Variants in KLF8 observed in about 807,000 individuals in gnomAD.
The protein encoded by KLF8 is KLF transcription factor 8, also known as Krueppel-like factor 8.
A neutral mutation model predicts 18.2 loss-of-function variants in KLF8; 10 were observed. The ratio of observed to expected loss-of-function variants is 0.55; its 90% CI spans 0.34 to 0.93. The LOEUF (loss-of-function observed/expected upper bound fraction) is 0.93. Ranked by LOEUF, KLF8 falls within the 40% of genes least tolerant of loss-of-function variation. The probability of loss-of-function intolerance (pLI) is 0.02; values close to 1 mark genes in which losing one functional copy is unlikely to be tolerated. For missense variants in KLF8, 264 were observed against 277.9 expected (o/e 0.95, Z 0.36); for synonymous variants, 109 against 97.3 (o/e 1.12, Z -0.71).
chrX:56,155,708 G>T, the KLF8 span, among the ~76,000 whole-genome samples: 3 of 111,263 alleles, frequency 2.7e-5, no homozygotes, highest in African/African-American at 6.5e-5. Context: ...TTATAGATTT[G>T]TTACATTAGA....
At chrX:56,260,188 C>A (rs1037234802) in intron 2 of KLF8, among the ~76,000 whole-genome samples, 3 of 110,847 alleles carry the variant, frequency 2.7e-5, no homozygotes, top group African/African-American at 9.8e-5. Context: ...TAGGGCCCAC[C>A]CAGATAATCC....
At chrX:55,947,630 A>T in the KLF8 span, among the ~76,000 whole-genome samples, 56 of 95,267 alleles carry the variant, frequency 5.9e-4, no homozygotes, top group African/African-American at 3.5e-3. Flanking sequence ...TAAAACTTAA[A>T]GTATAGTAAT....
the KLF8 span, among the ~76,000 whole-genome samples, chrX:56,102,304 G>A: frequency 9.0e-6 from 1 of 110,823 alleles, no homozygotes; most frequent in African/African-American, 3.3e-5. Context: ...CTATTCCATC[G>A]GTTTATGTAT....
chrX:55,974,828 C>G, the KLF8 span, among the ~76,000 whole-genome samples: 1 of 112,087 alleles, frequency 8.9e-6, no homozygotes, highest in Admixed American at 9.5e-5. Context: ...AATCTGCAGA[C>G]TACCTTTGGG....
chrX:55,956,169 CATCTATCTATCTATCTATCTATG>C, the KLF8 span, among the ~76,000 whole-genome samples: 8 of 81,860 alleles, frequency 9.8e-5, no homozygotes, highest in African/African-American at 5.5e-4. Context: ...ATCTATCTAT[CATCTATCTATCTATCTATCTATG>C]TATCTATCTA....
chrX:56,106,555 G>A, the KLF8 span, among the ~76,000 whole-genome samples: 1 of 112,189 alleles, frequency 8.9e-6, no homozygotes, highest in African/African-American at 3.2e-5. Context: ...ATGGTTTTCA[G>A]CTCCATCAGG....
the KLF8 span, among the ~76,000 whole-genome samples, chrX:56,058,302 A>ACACATATATATATATATG: frequency 1.5e-5 from 1 of 66,507 alleles, no homozygotes; most frequent in Non-Finnish European, 2.6e-5. Context: ...ATATATATAT[A>ACACATATATATATATATG]TATATATATA....
At chrX:56,212,552 G>A in the KLF8 span, among the ~76,000 whole-genome samples, 12 of 111,802 alleles carry the variant, frequency 1.1e-4, no homozygotes, top group African/African-American at 3.9e-4. Flanking sequence ...CCTGTGTATG[G>A]GTGTCAGCTG....
At chrX:56,173,733 A>G in the KLF8 span, among the ~76,000 whole-genome samples, 1 of 111,964 alleles carries the variant, frequency 8.9e-6, no homozygotes, top group Non-Finnish European at 1.9e-5. Context: ...ACCCATGAGC[A>G]TGGAATGTTC....
At chrX:56,150,090 T>A in the KLF8 span, among the ~76,000 whole-genome samples, 2 of 111,823 alleles carry the variant, frequency 1.8e-5, no homozygotes, top group African/African-American at 6.5e-5. Context: ...TACATAGCCC[T>A]GGAACATGAA....
the KLF8 span, among the ~76,000 whole-genome samples, chrX:56,124,772 AT>A: frequency 7.2e-5 from 8 of 111,801 alleles, no homozygotes; most frequent in East Asian, 1.1e-3. Flanking sequence ...AGAGAAAATG[AT>A]TTTTTTTATG....
At chrX:56,003,220 G>C in the KLF8 span, among the ~76,000 whole-genome samples, 1 of 109,624 alleles carries the variant, frequency 9.1e-6, no homozygotes, top group Non-Finnish European at 1.9e-5. Flanking sequence ...GTGAAACCCC[G>C]CCTCTACTAA....
chrX:55,962,697 G>T, the KLF8 span, among the ~76,000 whole-genome samples: 3 of 112,249 alleles, frequency 2.7e-5, no homozygotes, highest in African/African-American at 9.7e-5. Context: ...GAACATTGTG[G>T]CTCTAAACCA....
At chrX:56,035,572 A>T in the KLF8 span, among the ~76,000 whole-genome samples, 2 of 112,297 alleles carry the variant, frequency 1.8e-5, no homozygotes, top group Admixed American at 9.4e-5. Flanking sequence ...ACTAAGTTAA[A>T]TTCTTACCAA....
the KLF8 span, among the ~76,000 whole-genome samples, chrX:55,915,459 G>A: frequency 9.0e-6 from 1 of 111,543 alleles, no homozygotes; most frequent in Non-Finnish European, 1.9e-5. Context: ...GTACAAATGG[G>A]TACATATGAA....
the KLF8 span, among the ~76,000 whole-genome samples, chrX:56,182,936 C>G: frequency 1.8e-5 from 2 of 112,366 alleles, no homozygotes; most frequent in Admixed American, 9.4e-5. Flanking sequence ...CTTGAGGAGG[C>G]AGTCTGTTCA....
the KLF8 span, among the ~76,000 whole-genome samples, chrX:56,227,220 T>G: frequency 8.9e-6 from 1 of 112,352 alleles, no homozygotes; most frequent in Non-Finnish European, 1.9e-5. Context: ...TGAGCTTGCC[T>G]TTGGGGGCCT....
At chrX:56,060,891 G>C in the KLF8 span, among the ~76,000 whole-genome samples, 1 of 111,562 alleles carries the variant, frequency 9.0e-6, no homozygotes, top group African/African-American at 3.3e-5. Flanking sequence ...GGTGTATTCA[G>C]GTATTCGACT....
At chrX:56,048,371 A>G in the KLF8 span, among the ~76,000 whole-genome samples, 42 of 111,505 alleles carry the variant, frequency 3.8e-4, no homozygotes, top group Non-Finnish European at 5.8e-4. Context: ...GTATTGCCTC[A>G]GTTTTCTTCT....
Sources: allele counts gnomAD v4.1 joint callset (sites outside exome capture counted in the v4.1 genomes callset), GRCh38; gene constraint gnomAD v4.1.1; transcripts MANE v1.5; gene names NCBI Gene and HGNC (gene_info 2026-07-23, HGNC 2026-07-21).